TSEN54: variants seen among roughly 807,000 people sequenced by gnomAD.
TSEN54 encodes tRNA splicing endonuclease subunit 54.
In TSEN54, 55 loss-of-function variants were observed where a neutral mutation model predicts 61.9. The observed-to-expected ratio is 0.89, with a 90% CI of 0.72 to 1.11. The LOEUF (loss-of-function observed/expected upper bound fraction) is 1.11. TSEN54 is among the 50% of genes most tolerant of loss of function. The probability of loss-of-function intolerance (pLI) is 0.00; values close to 1 mark genes in which losing one functional copy is unlikely to be tolerated. For synonymous variants in TSEN54, 304 were observed against 288.7 expected, an observed-to-expected ratio of 1.05 and a Z score of -0.54; for missense variants, 760 against 687.7, an observed-to-expected ratio of 1.11 and a Z score of -1.18.
intron 10 of TSEN54, 77 bp from the exon 11 acceptor site, chr17:75,524,185 A>G: frequency 1.2e-6 from 2 of 1,602,628 alleles, no homozygotes; most frequent in Non-Finnish European, 1.7e-6. Context: ...CTCCTTCCGT[A>G]GAATCTCTTC....
chr17:75,523,635 G>A, intron 9 of TSEN54, 28 bp from the exon 10 acceptor site: 1 of 1,614,174 alleles, frequency 6.2e-7, no homozygotes, highest in Non-Finnish European at 8.5e-7. Flanking sequence ...AAGAGTTCAT[G>A]TCATAACGTT....
Position 75,519,029 on chromosome 17 carries a change from T to C in TSEN54, c.503T>C (p.Val168Ala). The part of the protein sequence containing the change: ...FSHLKRLGYV[V>A]RRFQPSSVLS... ...CACCTGAAGAGGTTGGGTTATGTGG[T>C]TCGACGATTCCAACCAAGGTAAATC... The change falls in exon 6 of 11, where the codon GTT becomes GCT. Residue 168 changes from valine (V) to alanine (A), a missense_variant. By Grantham distance (64) the Val-to-Ala change is moderately conservative (BLOSUM62 0). Around this residue, in one of 3 missense-constraint regions of TSEN54, gnomAD observed 667 missense variants for 577.8 expected, o/e 1.15. Transcript: ENST00000333213. The C allele has an allele frequency of 3.7e-6, 6 of 1,614,100 alleles. No homozygotes were observed. The highest frequency in any genetic ancestry group is 5.1e-6 in the Non-Finnish European group (6 of 1,180,002).
Position 75,524,387 on chromosome 17 carries a change from C to T in TSEN54, c.1556C>T (p.Thr519Met), listed in dbSNP as rs375372747. ...TCCTTCTACAGCTTCAGGGACTTCA[C>T]GTTGCCCCAGGATGTGGGGCACTGA... ...DISFYSFRDF[T>M]LPQDVGH The change falls in exon 11 of 11, where the codon ACG becomes ATG. Residue 519 changes from threonine to methionine, a missense_variant. Physicochemically the swap from Thr to Met is moderately conservative, Grantham distance 81. Coordinates refer to ENST00000333213, the MANE Select transcript of TSEN54 (RefSeq NM_207346.3). 2 of 1,614,178 alleles carry T rather than the reference C, an allele frequency of 1.2e-6. No homozygotes were observed. Among genetic ancestry groups the T allele is most frequent in the South Asian group, 1.1e-5 (1 of 91,090 alleles).
chr17:75,516,790 C>T lies in TSEN54; in HGVS notation c.101C>T (p.Pro34Leu), dbSNP rs746166826. 4.4e-6 allele frequency: 7 copies of T among 1,586,510 alleles called. No individual in the cohort carries two copies. In the African/African-American group the frequency reaches 9.5e-5, roughly 22 times the overall value. Reference protein sequence around the residue: ...FAARSRSQKLPQRSHGPKDFL... With the variant: ...FAARSRSQKLLQRSHGPKDFL... ...GCCCGCTCGCGGTCGCAGAAGCTGC[C>T]CCAGCGCTCGCATGGCCCCAAGGAC... The change falls in exon 2 of 11, where the codon CCC becomes CTC. Residue 34 changes from proline to leucine, a missense_variant. Physicochemically the swap from Pro to Leu is moderately conservative, Grantham distance 98. Coordinates refer to ENST00000333213, the MANE Select transcript of TSEN54 (RefSeq NM_207346.3).
At chr17:75,523,016 T>G (rs2053444944) in intron 8 of TSEN54, 1 of 459,608 alleles carries the variant, frequency 2.2e-6, no homozygotes, top group Non-Finnish European at 4.0e-6. Flanking sequence ...CCATCTCTAC[T>G]AAAAATACAA....
Position 75,516,921 on chromosome 17 carries a change from C to T in TSEN54, c.221+11C>T, listed in dbSNP as rs1303650927. 6.5e-7 allele frequency: 1 copy of T among 1,541,830 alleles called. No individual in the cohort carries two copies. The highest frequency in any genetic ancestry group is 8.7e-7 in the Non-Finnish European group (1 of 1,145,048). ...GCGCGTGGAGCGCCTGTGAGAGGGGCGGGCCCAGGGGTAAGGGAAGCGGGG... is the reference window on the plus strand; with the variant it reads ...GCGCGTGGAGCGCCTGTGAGAGGGGTGGGCCCAGGGGTAAGGGAAGCGGGG... On this transcript the variant is annotated intron_variant, in intron 2 of 10. Coordinates refer to ENST00000333213, the MANE Select transcript of TSEN54 (RefSeq NM_207346.3).
chr17:75,518,093 C>T (rs538061999), intron 5 of TSEN54, among the ~76,000 whole-genome samples: 2 of 152,290 alleles, frequency 1.3e-5, no homozygotes, highest in Non-Finnish European at 2.9e-5. Context: ...CTGTCATTTT[C>T]TGAGTGGGAA....
intron 2 of TSEN54, 37 bp downstream of exon 2, chr17:75,516,947 G>A (rs1205958747): frequency 1.9e-6 from 3 of 1,542,842 alleles, no homozygotes; most frequent in Non-Finnish European, 2.6e-6. Flanking sequence ...GGAAGCGGGG[G>A]CGAGGCGGGC....
Position 75,517,161 on chromosome 17 carries a change from G to A in TSEN54, c.286G>A (p.Gly96Ser). ...EGFVELKSPA[G>S]KFWQTMGFSE... ...GACACTTGCTCTGGGCCCCACACAGGGCAAATTCTGGCAGACCATGGGCTT... is the reference window on the plus strand; with the variant it reads ...GACACTTGCTCTGGGCCCCACACAGAGCAAATTCTGGCAGACCATGGGCTT... The change falls in exon 4 of 11, where the codon GGC (glycine) becomes AGC (serine). Residue 96 changes from glycine (G) to serine (S), a missense_variant and splice_region_variant. Coordinates refer to ENST00000333213, the MANE Select transcript of TSEN54 (RefSeq NM_207346.3). 1 of 1,600,334 alleles carries A rather than the reference G, an allele frequency of 6.2e-7. No homozygotes were observed. Among genetic ancestry groups the A allele is most frequent in the Non-Finnish European group, 8.5e-7 (1 of 1,173,668 alleles).
chr17:75,524,265 T>A lies in TSEN54; in HGVS notation c.1434T>A (p.Phe478Leu), dbSNP rs1403243270. The A allele has an allele frequency of 3.7e-6, 6 of 1,614,166 alleles. No individual in the cohort carries two copies. The highest frequency in any genetic ancestry group is 5.1e-6 in the Non-Finnish European group (6 of 1,180,028). ...CTCTAACCCTTTGTCCCTGCAGATT[T>A]GATGAGCCTGTCCCAGACCTCTGCA... Reference protein sequence around the residue: ...KPYARMCISGFDEPVPDLCSL... With the variant: ...KPYARMCISGLDEPVPDLCSL... Residue 478 changes from phenylalanine (F) to leucine (L), a missense_variant, in exon 11 of 11, where the codon TTT (phenylalanine) becomes TTA (leucine). Phe to Leu is a conservative substitution (Grantham distance 22). Around this residue, in one of 3 missense-constraint regions of TSEN54, gnomAD observed 83 missense variants for 82.9 expected, o/e 1.00. Coordinates refer to ENST00000333213, the MANE Select transcript of TSEN54 (RefSeq NM_207346.3).
rs996055967 is a variant in TSEN54 at position 75,518,938 on chromosome 17, C to T, written c.469-57C>T. On this transcript the variant is annotated intron_variant, in intron 5 of 10. Transcript: ENST00000333213. ...GGGGATGGCCTGTGTCTGGAGAAAC[C>T]ATTTGGTGTTTTCCAGAGTGGCCAT... 92 of 1,609,218 alleles carry T rather than the reference C, an allele frequency of 5.7e-5. 1 individual carries two copies. Among genetic ancestry groups the T allele is most frequent in the Non-Finnish European group, 4.4e-5 (52 of 1,178,294 alleles).
At chr17:75,522,405 T>C (rs2053438822) in intron 8 of TSEN54, 72 bp downstream of exon 8, 1 of 1,535,068 alleles carries the variant, frequency 6.5e-7, no homozygotes, top group African/African-American at 1.4e-5. Flanking sequence ...GGAAAGGGCA[T>C]GGATGAACTG....
At position 75,524,479 on chromosome 17, in the gene TSEN54, C is replaced by G; in HGVS notation, c.*67C>G. 6.3e-7 allele frequency: 1 copy of G among 1,597,412 alleles called. No homozygotes were observed. The highest frequency in any genetic ancestry group is 8.6e-7 in the Non-Finnish European group (1 of 1,169,416). ...GGGACTGTCTGTTCTCAGGGACCAT[C>G]TCGGCTGCCTCCTGTACCCAGACTC... is the stretch of plus-strand genomic sequence containing the variant. On this transcript the variant is annotated 3_prime_UTR_variant, in exon 11 of 11. Coordinates refer to ENST00000333213, the MANE Select transcript of TSEN54 (RefSeq NM_207346.3).
In TSEN54 at chr17:75,516,848, G is replaced by C; in HGVS notation, c.159G>C (p.Glu53Asp). The C allele has an allele frequency of 4.4e-6, 7 of 1,580,780 alleles. No individual in the cohort carries two copies. The highest frequency in any genetic ancestry group is 6.0e-6 in the Non-Finnish European group (7 of 1,170,498). Residue 53 changes from glutamate to aspartate, a missense_variant, in exon 2 of 11, where the codon GAG becomes GAC. Around this residue, in one of 3 missense-constraint regions of TSEN54, gnomAD observed 667 missense variants for 577.8 expected, o/e 1.15. Transcript: ENST00000333213. The part of the protein sequence containing the change: ...FLPDGSAAQA[E>D]RLRRCREELW... ...CCGACGGCTCGGCAGCTCAGGCCGA[G>C]CGGCTGCGCCGGTGCCGGGAAGAGC...
At position 75,523,643 on chromosome 17, in the gene TSEN54, G is replaced by C; in HGVS notation, c.1314-20G>C. 1 of 1,614,124 alleles carries C rather than the reference G, an allele frequency of 6.2e-7. No individual in the cohort carries two copies. The highest frequency in any genetic ancestry group is 1.3e-5 in the African/African-American group (1 of 75,020). ...TGGGGAGAAGAGTTCATGTCATAAC[G>C]TTTCTCATTGTATTGTCAGGCTGTT... On this transcript the variant is annotated intron_variant, in intron 9 of 10. Transcript: ENST00000333213.
At position 75,521,781 on chromosome 17, in the gene TSEN54, T is replaced by G. The variant is rs2053429481; in HGVS notation, c.700T>G (p.Cys234Gly). Residue 234 changes from cysteine to glycine, a missense_variant, in exon 8 of 11, where the codon TGC becomes GGC. Transcript: ENST00000333213. ...KSLAASSPPP[C>G]SQPSQCPEEK... ...TCTGGCAGCCTCCAGCCCACCTCCC[T>G]GCAGCCAGCCCAGCCAATGCCCAGA... 6.2e-7 allele frequency: 1 copy of G among 1,612,782 alleles called. No homozygotes were observed. The highest frequency in any genetic ancestry group is 1.3e-5 in the African/African-American group (1 of 75,020).
At chr17:75,521,379 A>C (rs772161281) in intron 6 of TSEN54, 30 bp from the exon 7 acceptor site, 4 of 1,589,302 alleles carry the variant, frequency 2.5e-6, no homozygotes, top group Non-Finnish European at 2.6e-6. Context: ...GAGGTGGGTC[A>C]GTGGCCCACC....
At position 75,522,089 on chromosome 17, in the gene TSEN54, C is replaced by T. The variant is rs370298156; in HGVS notation, c.1008C>T (p.Ser336=). The T allele has an allele frequency of 2.3e-5, 36 of 1,585,306 alleles. No individual in the cohort carries two copies. The highest frequency in any genetic ancestry group is 2.9e-5 in the Non-Finnish European group (34 of 1,166,150). Residue 336 remains serine (S), a synonymous_variant, in exon 8 of 11, where the codon TCC becomes TCT. Coordinates refer to ENST00000333213, the MANE Select transcript of TSEN54 (RefSeq NM_207346.3). ...NVAGRETDAE[S]WCQKLNQRKE... ...CTGGGCGGGAGACAGACGCTGAGTC[C>T]TGGTGCCAGAAGCTGAACCAGCGCA...
At chr17:75,521,379 A>G in intron 6 of TSEN54, 30 bp from the exon 7 acceptor site, 2 of 1,589,420 alleles carry the variant, frequency 1.3e-6, no homozygotes, top group Non-Finnish European at 1.7e-6. Context: ...GAGGTGGGTC[A>G]GTGGCCCACC....
Sources: allele counts gnomAD v4.1 joint callset (sites outside exome capture counted in the v4.1 genomes callset), GRCh38; gene constraint gnomAD v4.1.1; regional missense constraint gnomAD v4.1.1; transcripts MANE v1.5; gene names NCBI Gene and HGNC (gene_info 2026-07-23, HGNC 2026-07-21).